The following HS3ST4 variants were observed in gnomAD, a reference collection of about 807,000 sequenced individuals.
HS3ST4 encodes heparan sulfate glucosamine 3-O-sulfotransferase 4.
Under a neutral mutation model 29.2 loss-of-function variants are expected in HS3ST4, and 17 were observed. The ratio of observed to expected loss-of-function variants is 0.58; its 90% confidence interval spans 0.40 to 0.87. The LOEUF (loss-of-function observed/expected upper bound fraction) is 0.87, where lower values mean the gene tolerates loss of function less well. Ranked by LOEUF, HS3ST4 falls within the 40% of genes least tolerant of loss-of-function variation. The pLI is 0.00. For missense variants in HS3ST4, 627 were observed against 634.5 expected, an observed-to-expected ratio of 0.99 and a Z score of 0.13; for synonymous variants, 314 against 285.7, an observed-to-expected ratio of 1.10 and a Z score of -1.00.
intron 1 of HS3ST4, among the ~76,000 whole-genome samples, chr16:25,895,181 G>C (rs946850578): frequency 6.6e-6 from 1 of 152,150 alleles, no homozygotes; most frequent in Non-Finnish European, 1.5e-5. Flanking sequence ...GTGTGCGTGT[G>C]TGTGGCAGTT....
intron 1 of HS3ST4, among the ~76,000 whole-genome samples, chr16:25,796,498 A>G (rs1159147378): frequency 1.3e-5 from 2 of 152,194 alleles, no homozygotes; most frequent in Non-Finnish European, 2.9e-5. Flanking sequence ...TCCGGTCTAT[A>G]GTGCTTGTCA....
At chr16:25,863,351 G>A (rs1407645994) in intron 1 of HS3ST4, among the ~76,000 whole-genome samples, 1 of 152,166 alleles carries the variant, frequency 6.6e-6, no homozygotes, top group Non-Finnish European at 1.5e-5. Flanking sequence ...AAAGTGCTGA[G>A]ATTACAGGCA....
chr16:26,118,609 T>C (rs1172443920), intron 1 of HS3ST4, among the ~76,000 whole-genome samples: 1 of 152,198 alleles, frequency 6.6e-6, no homozygotes, highest in African/African-American at 2.4e-5. Flanking sequence ...AATTTAAAAT[T>C]AATAGCTACT....
intron 1 of HS3ST4, among the ~76,000 whole-genome samples, chr16:25,992,187 A>T (rs1296589892): frequency 6.6e-6 from 1 of 152,214 alleles, no homozygotes; most frequent in East Asian, 1.9e-4. Context: ...GATATTTATG[A>T]CTACCCTTTG....
At chr16:25,724,105 T>C (rs1596553370) in intron 1 of HS3ST4, among the ~76,000 whole-genome samples, 2 of 84,928 alleles carry the variant, frequency 2.4e-5, no homozygotes, top group Non-Finnish European at 4.2e-5. Context: ...AGAGCGAGAC[T>C]CCATCTCAAA....
intron 1 of HS3ST4, among the ~76,000 whole-genome samples, chr16:25,940,284 C>A (rs1174902842): frequency 1.8e-5 from 2 of 111,068 alleles, no homozygotes; most frequent in East Asian, 4.7e-4. Context: ...TATTCTGGGG[C>A]CACTGTGATG....
intron 1 of HS3ST4, among the ~76,000 whole-genome samples, chr16:25,765,150 G>C (rs1190831955): frequency 6.6e-6 from 1 of 152,222 alleles, no homozygotes; most frequent in African/African-American, 2.4e-5. Flanking sequence ...CAGCCACTGG[G>C]CTTCCAGAGG....
chr16:26,071,759 G>A (rs1264143685), intron 1 of HS3ST4, among the ~76,000 whole-genome samples: 3 of 152,178 alleles, frequency 2.0e-5, no homozygotes, highest in African/African-American at 7.2e-5. Flanking sequence ...GTATAACATT[G>A]AAGGGAGCGC....
chr16:25,946,489 T>C (rs1968627399), intron 1 of HS3ST4, among the ~76,000 whole-genome samples: 1 of 152,190 alleles, frequency 6.6e-6, no homozygotes, highest in South Asian at 2.1e-4. Flanking sequence ...CTCTGCTATC[T>C]AAGCTATCAT....
At chr16:26,098,135 G>T (rs1567311739) in intron 1 of HS3ST4, among the ~76,000 whole-genome samples, 1 of 152,204 alleles carries the variant, frequency 6.6e-6, no homozygotes, top group African/African-American at 2.4e-5. Context: ...CACTGTTGGT[G>T]GGAGTGTAAA....
chr16:25,753,936 G>A (rs1228130150), intron 1 of HS3ST4, among the ~76,000 whole-genome samples: 1 of 152,254 alleles, frequency 6.6e-6, no homozygotes, highest in African/African-American at 2.4e-5. Flanking sequence ...ATTTGCTAGT[G>A]GAGGCAAGTG....
intron 1 of HS3ST4, among the ~76,000 whole-genome samples, chr16:25,771,846 A>G (rs549952787): frequency 6.6e-6 from 1 of 152,342 alleles, no homozygotes; most frequent in South Asian, 2.1e-4. Context: ...GGAGAATAGA[A>G]CATTGAGTAC....
intron 1 of HS3ST4, among the ~76,000 whole-genome samples, chr16:25,805,591 T>C (rs1966981733): frequency 6.6e-6 from 1 of 152,210 alleles, no homozygotes; most frequent in African/African-American, 2.4e-5. Context: ...TTCCTTGATG[T>C]GCTGGCTACT....
intron 1 of HS3ST4, among the ~76,000 whole-genome samples, chr16:26,045,414 C>T (rs949716499): frequency 6.6e-6 from 1 of 152,096 alleles, no homozygotes; most frequent in Admixed American, 6.5e-5. Flanking sequence ...ACTGCTTTTA[C>T]CCAGAAGAGC....
intron 1 of HS3ST4, among the ~76,000 whole-genome samples, chr16:25,933,957 A>G (rs979297481): frequency 1.3e-5 from 2 of 152,222 alleles, no homozygotes; most frequent in African/African-American, 4.8e-5. Context: ...TCGCATGTGA[A>G]CATGAGATTT....
intron 1 of HS3ST4, among the ~76,000 whole-genome samples, chr16:25,916,536 A>G (rs1383862585): frequency 6.9e-6 from 1 of 144,732 alleles, no homozygotes; most frequent in African/African-American, 2.6e-5. Context: ...CTACTTTTGT[A>G]TTTTTAGTGG....
chr16:25,766,283 A>G (rs1398325046), intron 1 of HS3ST4, among the ~76,000 whole-genome samples: 1 of 152,164 alleles, frequency 6.6e-6, no homozygotes, highest in Non-Finnish European at 1.5e-5. Flanking sequence ...CCCAGGAGGC[A>G]TGGAATAAAG....
At chr16:25,781,880 C>A (rs1198038191) in intron 1 of HS3ST4, among the ~76,000 whole-genome samples, 1 of 152,100 alleles carries the variant, frequency 6.6e-6, no homozygotes, top group Non-Finnish European at 1.5e-5. Flanking sequence ...GTGTTTCCTC[C>A]CTTCTTGCTT....
At chr16:26,100,178 A>G (rs776390157) in intron 1 of HS3ST4, among the ~76,000 whole-genome samples, 87 of 152,294 alleles carry the variant, frequency 5.7e-4, no homozygotes, top group South Asian at 2.1e-4. Context: ...AAAACAACCT[A>G]TCGAGGGTAC....
Sources: allele counts gnomAD v4.1 joint callset (sites outside exome capture counted in the v4.1 genomes callset), GRCh38; gene constraint gnomAD v4.1.1; transcripts MANE v1.5; gene names NCBI Gene and HGNC (gene_info 2026-07-23, HGNC 2026-07-21).